Variants in SMC2 observed in about 807,000 individuals in gnomAD.
The protein encoded by SMC2 is structural maintenance of chromosomes protein 2.
A neutral mutation model predicts 142.6 loss-of-function variants in SMC2; 41 were observed. The observed-to-expected ratio is 0.29, with a 90% CI of 0.22 to 0.37. The LOEUF (loss-of-function observed/expected upper bound fraction) is 0.37, where lower values mean the gene tolerates loss of function less well. Ranked by LOEUF, SMC2 falls within the 10% of genes least tolerant of loss-of-function variation. SMC2 has a pLI of 1.00. For missense variants in SMC2, 1,265 were observed against 1,373.7 expected, an observed-to-expected ratio of 0.92 and a Z score of 1.25; for synonymous variants, 463 against 457.5, an observed-to-expected ratio of 1.01 and a Z score of -0.15.
intron 9 of SMC2, among the ~76,000 whole-genome samples, chr9:104,110,952 A>G (rs1247333263): frequency 1.3e-5 from 2 of 152,218 alleles, no homozygotes; most frequent in Non-Finnish European, 2.9e-5. Context: ...AATGTCTTAG[A>G]ATAGGGCCTA....
chr9:104,126,459 A>G (rs1354418952), intron 18 of SMC2, among the ~76,000 whole-genome samples, 182 bp from the exon 19 acceptor site: 1 of 150,708 alleles, frequency 6.6e-6, no homozygotes, highest in Non-Finnish European at 1.5e-5. Context: ...TTTTTTTTTG[A>G]TATAGGAAAA....
intron 17 of SMC2, 125 bp from the exon 18 acceptor site, chr9:104,124,787 A>T (rs1834089317): frequency 4.6e-6 from 3 of 650,536 alleles, no homozygotes; most frequent in Non-Finnish European, 7.8e-6. Context: ...CTAGAATATC[A>T]TTGGGATAGT....
intron 10 of SMC2, among the ~76,000 whole-genome samples, chr9:104,112,978 A>G (rs908710482): frequency 1.3e-5 from 2 of 152,154 alleles, no homozygotes; most frequent in African/African-American, 2.4e-5. Flanking sequence ...GAAAAGAACG[A>G]GAGTTGTGAT....
chr9:104,101,080 G>A (rs1168701954), intron 7 of SMC2, among the ~76,000 whole-genome samples: 1 of 152,070 alleles, frequency 6.6e-6, no homozygotes, highest in Admixed American at 6.5e-5. Flanking sequence ...TGGGACTACA[G>A]GTGCATGCCA....
At chr9:104,092,386 T>G (rs779721566), upstream of SMC2, 3 of 152,234 alleles carry the variant, frequency 2.0e-5, no homozygotes, top group Non-Finnish European at 2.9e-5. Context: ...AGACTAACAG[T>G]CTGTCTTAAC....
At chr9:104,099,097 T>C (rs1419941410) in intron 4 of SMC2, among the ~76,000 whole-genome samples, 1 of 152,096 alleles carries the variant, frequency 6.6e-6, no homozygotes, top group Non-Finnish European at 1.5e-5. Context: ...AAACTTTACT[T>C]TAAATGAATC....
Position 104,095,438 on chromosome 9 carries a change from C to T in SMC2, c.54C>T (p.Thr18=), listed in dbSNP as rs1434470471. ...LEGFKSYAQR[T]EVNGFDPLFN... ...GATTCAAGTCCTATGCTCAGAGGAC[C>T]GAAGTCAATGGTTTTGACCCCCTCT... is the stretch of plus-strand genomic sequence containing the variant. Residue 18 remains threonine (T), a synonymous_variant, in exon 2 of 25, where the codon ACC becomes ACT. Transcript: ENST00000374793. The T allele has an allele frequency of 3.7e-6, 6 of 1,613,572 alleles. No homozygotes were observed. Among genetic ancestry groups the T allele is most frequent in the Non-Finnish European group, 5.1e-6 (6 of 1,179,734 alleles).
At chr9:104,106,674 T>C (rs1282694958) in intron 9 of SMC2, among the ~76,000 whole-genome samples, 1 of 152,166 alleles carries the variant, frequency 6.6e-6, no homozygotes, top group Non-Finnish European at 1.5e-5. Flanking sequence ...ATTACAGGCA[T>C]GAACCACCGC....
At chr9:104,137,455 G>A (rs958809157) in intron 23 of SMC2, among the ~76,000 whole-genome samples, 2 of 152,092 alleles carry the variant, frequency 1.3e-5, no homozygotes, top group Admixed American at 1.3e-4. Flanking sequence ...AAGATTGTTT[G>A]AACTTTTGAC....
At chr9:104,099,777 GA>G in intron 5 of SMC2, 95 bp downstream of exon 5, 1 of 815,428 alleles carries the variant, frequency 1.2e-6, no homozygotes, top group Non-Finnish European at 2.0e-6. Flanking sequence ...AATTTTTGGA[GA>G]CATTATTTGG....
At chr9:104,100,283 T>A (rs1830957468) in intron 6 of SMC2, 80 bp downstream of exon 6, 2 of 1,395,142 alleles carry the variant, frequency 1.4e-6, no homozygotes. Context: ...AGGGAAAAAT[T>A]TTTTTCCTTG....
chr9:104,089,468 T>C (rs6479210), upstream of SMC2, among the ~76,000 whole-genome samples: 24,404 of 151,866 alleles, frequency 0.16, 2,187 homozygotes, highest in African/African-American at 0.2. Context: ...ATGAGAATAA[T>C]ATTTGAGGAA....
rs192784686 is a variant in SMC2 at position 104,109,943 on chromosome 9, T to G, written c.1021-1638T>G. Among the ~76,000 whole-genome samples, 70 of 152,314 alleles carry G rather than the reference T, an allele frequency of 4.6e-4. 1 individual carries two copies. The highest frequency in any genetic ancestry group is 2.9e-5 in the Non-Finnish European group (2 of 68,020). ...ACAAATGTAAAGATGCAATATTAAA[T>G]GATAACTGCATAAAACTATAGAACA... On this transcript the variant is annotated intron_variant, in intron 9 of 24. Transcript: ENST00000374793.
At position 104,139,510 on chromosome 9, in the gene SMC2, A is replaced by G. The variant is rs576685932; in HGVS notation, c.*195A>G. 3.7e-5 allele frequency: 16 copies of G among 429,448 alleles called. No homozygotes were observed. Among genetic ancestry groups the G allele is most frequent in the African/African-American group, 1.5e-4 (7 of 48,012 alleles). 26.6% of individuals were successfully genotyped at this position (429,448 alleles called of 1,614,324 possible). A position where few individuals can be genotyped will look rare whatever the true frequency, so the allele number is the denominator to read the frequency against. ...TCTTAACTAGTCTAATTATGGTCCAATTATTGTGGTTGTGATTTTATGCAT... is the reference window on the plus strand; with the variant it reads ...TCTTAACTAGTCTAATTATGGTCCAGTTATTGTGGTTGTGATTTTATGCAT... On this transcript the variant is annotated 3_prime_UTR_variant, in exon 25 of 25. Transcript: ENST00000374793.
At chr9:104,113,202 T>A in intron 10 of SMC2, 114 bp from the exon 11 acceptor site, 1 of 684,812 alleles carries the variant, frequency 1.5e-6, no homozygotes, top group Non-Finnish European at 2.3e-6. Flanking sequence ...GACCAAACAA[T>A]TAAACTTTGA....
upstream of SMC2, chr9:104,094,283 G>T: frequency 2.5e-6 from 1 of 398,588 alleles, no homozygotes; most frequent in South Asian, 1.3e-4. Context: ...CAATGGAGGT[G>T]GGGTCCTTTG....
chr9:104,118,399 T>A, intron 15 of SMC2, 24 bp downstream of exon 15: 3 of 1,579,360 alleles, frequency 1.9e-6, no homozygotes, highest in Non-Finnish European at 2.6e-6. Context: ...CCTTTTCTCC[T>A]CACAATTCTT....
intron 16 of SMC2, among the ~76,000 whole-genome samples, chr9:104,120,490 C>G (rs1028676942): frequency 2.0e-5 from 3 of 152,132 alleles, no homozygotes; most frequent in Admixed American, 2.0e-4. Flanking sequence ...CGTCTGATAC[C>G]AGAGGATACT....
rs1247268417 is a variant in SMC2, at chr9:104,120,190, TA to T, written c.2132+31del. 3 of 1,548,132 alleles carry T rather than the reference TA, an allele frequency of 1.9e-6. No homozygotes were observed. The East Asian group carries it at 7.0e-5, about 36-fold the overall frequency. ...AAGAACTGCATATACTTTTTTTAAT[TA>T]AAGATTTGCATAGTAGAAAATGATA... is the stretch of plus-strand genomic sequence containing the variant. On this transcript the variant is annotated intron_variant, in intron 16 of 24. Coordinates refer to ENST00000374793, the MANE Select transcript of SMC2 (RefSeq NM_006444.3).
Sources: allele counts gnomAD v4.1 joint callset (sites outside exome capture counted in the v4.1 genomes callset), GRCh38; gene constraint gnomAD v4.1.1; transcripts MANE v1.5; gene names NCBI Gene and HGNC (gene_info 2026-07-23, HGNC 2026-07-21).